Variants in TSPAN15 observed in about 807,000 individuals in gnomAD.
The protein encoded by TSPAN15 is tetraspanin-15.
In TSPAN15, 20 loss-of-function variants were observed where a neutral mutation model predicts 34.5. The observed-to-expected ratio is 0.58, with a 90% confidence interval of 0.41 to 0.84. The LOEUF (loss-of-function observed/expected upper bound fraction) is 0.84. Among genes scored for constraint, TSPAN15 ranks in the 40% least tolerant of loss-of-function variants. The pLI is 0.00. For missense variants in TSPAN15, 313 were observed against 386.1 expected (o/e 0.81, Z 1.59); for synonymous variants, 155 against 153.9 (o/e 1.01, Z -0.05).
In TSPAN15 at chr10:69,506,247, A is replaced by G; in HGVS notation, c.735+7A>G. 1 of 1,613,354 alleles carries G rather than the reference A, an allele frequency of 6.2e-7. No homozygotes were observed. The highest frequency in any genetic ancestry group is 8.5e-7 in the Non-Finnish European group (1 of 1,179,324). Reference sequence around the variant, plus strand: ...GGGCATCCTGCTTCCCCAGGTGGGCAGGCCGTGGGTTCAGAGAAAGTGTGA... The same window carrying G: ...GGGCATCCTGCTTCCCCAGGTGGGCGGGCCGTGGGTTCAGAGAAAGTGTGA... On this transcript the variant is annotated splice_region_variant and intron_variant, in intron 7 of 7. Coordinates refer to ENST00000373290, the MANE Select transcript of TSPAN15 (RefSeq NM_012339.5). This position sits in a 1 kb window ranked among gnomAD's most constrained non-coding sequence, Gnocchi z 4.7.
chr10:69,541,452 ATGCAAG>A, the TSPAN15 span, among the ~76,000 whole-genome samples: 1 of 152,238 alleles, frequency 6.6e-6, no homozygotes, highest in South Asian at 2.1e-4. Flanking sequence ...AAGGAACTAC[ATGCAAG>A]TCCGAAATCC....
At chr10:69,523,200 C>A in the TSPAN15 span, 1 of 260,214 alleles carries the variant, frequency 3.8e-6, no homozygotes, top group Non-Finnish European at 7.2e-6. Context: ...ATGGTCTGGG[C>A]ACCATTTTGT....
At chr10:69,494,243 C>T (rs895405794) in intron 3 of TSPAN15, among the ~76,000 whole-genome samples, 31 of 152,238 alleles carry the variant, frequency 2.0e-4, no homozygotes, top group Non-Finnish European at 2.8e-4. Context: ...AGAGTTGGGG[C>T]CTCGGTTTCC....
intron 4 of TSPAN15, among the ~76,000 whole-genome samples, chr10:69,497,887 G>A (rs1480204487): frequency 6.6e-6 from 1 of 152,176 alleles, no homozygotes; most frequent in Non-Finnish European, 1.5e-5. Context: ...TGGTTGAGGT[G>A]CAGGGACTTT....
chr10:69,543,968 C>T, the TSPAN15 span, among the ~76,000 whole-genome samples: 1 of 150,220 alleles, frequency 6.7e-6, no homozygotes, highest in Non-Finnish European at 1.5e-5. Context: ...TGGCCTCCTG[C>T]ATACAGGCAG....
chr10:69,547,497 C>G, the TSPAN15 span, among the ~76,000 whole-genome samples: 1 of 152,150 alleles, frequency 6.6e-6, no homozygotes, highest in Non-Finnish European at 1.5e-5. Context: ...CCTTTTCCAT[C>G]AGAAAATGTC....
intron 5 of TSPAN15, among the ~76,000 whole-genome samples, chr10:69,503,938 A>G (rs1037530331): frequency 1.3e-4 from 19 of 151,926 alleles, no homozygotes; most frequent in Non-Finnish European, 1.9e-4. Context: ...TTTTGGCAGC[A>G]CTCTCCGCTG....
At chr10:69,504,323 C>G in intron 5 of TSPAN15, 115 bp from the exon 6 acceptor site, 2 of 980,120 alleles carry the variant, frequency 2.0e-6, no homozygotes, top group Non-Finnish European at 3.1e-6. Context: ...AGCTCCATCC[C>G]TGCTGGACGG....
At chr10:69,542,088 C>T in the TSPAN15 span, among the ~76,000 whole-genome samples, 12 of 152,278 alleles carry the variant, frequency 7.9e-5, no homozygotes, top group South Asian at 2.1e-4. Flanking sequence ...TCCTCTTGAA[C>T]GCTTTGGTGC....
At chr10:69,507,800 A>C, downstream of TSPAN15, 4 of 309,408 alleles carry the variant, frequency 1.3e-5, no homozygotes, top group East Asian at 9.9e-5. Context: ...CTTGGGATAC[A>C]GGTGGGGGGT....
intron 1 of TSPAN15, among the ~76,000 whole-genome samples, chr10:69,482,018 CA>C (rs1186482654): frequency 2.8e-5 from 4 of 143,300 alleles, no homozygotes; most frequent in Non-Finnish European, 4.5e-5. Context: ...ATGTCCGAAG[CA>C]ATTGAAAAAT....
At chr10:69,521,584 T>C in the TSPAN15 span, among the ~76,000 whole-genome samples, 1 of 146,760 alleles carries the variant, frequency 6.8e-6, no homozygotes, top group African/African-American at 2.5e-5. Flanking sequence ...CAAAAATGAA[T>C]AAATAAATAA....
In TSPAN15 at chr10:69,454,448, G is replaced by A. The variant is rs186957815; in HGVS notation, c.96+2758G>A. 1.7e-3 allele frequency among the ~76,000 whole-genome samples: 261 copies of A among 152,236 alleles called. 1 individual carries two copies. The highest frequency in any genetic ancestry group is 6.1e-3 in the African/African-American group (252 of 41,536). On this transcript the variant is annotated intron_variant, in intron 1 of 7. Coordinates refer to ENST00000373290, the MANE Select transcript of TSPAN15 (RefSeq NM_012339.5). ...CATGAGAATTGTTTGAACCCAGGAG[G>A]TGGAGGTTGCAGTGAGCTGACATCG...
At chr10:69,511,121 C>G (rs1423187788), downstream of TSPAN15, among the ~76,000 whole-genome samples, 3 of 152,082 alleles carry the variant, frequency 2.0e-5, no homozygotes, top group African/African-American at 7.2e-5. Context: ...CCCTCTTTTT[C>G]TGTTGTTTGG....
the TSPAN15 span, among the ~76,000 whole-genome samples, chr10:69,532,277 C>T: frequency 6.6e-6 from 1 of 152,298 alleles, no homozygotes; most frequent in African/African-American, 2.4e-5. Context: ...TGATTTCAAA[C>T]TATACTATAA....
chr10:69,493,238 T>C (rs1842005040), intron 3 of TSPAN15, among the ~76,000 whole-genome samples: 1 of 152,156 alleles, frequency 6.6e-6, no homozygotes, highest in Non-Finnish European at 1.5e-5. Flanking sequence ...CCCAGGCTGC[T>C]CGGCTGGAAG....
intron 1 of TSPAN15, among the ~76,000 whole-genome samples, chr10:69,473,987 A>G (rs938723003): frequency 4.1e-4 from 62 of 152,206 alleles, no homozygotes; most frequent in African/African-American, 1.5e-3. Flanking sequence ...TACATCTAAC[A>G]TTAAAAACAA....
chr10:69,479,470 C>T (rs1422851516), intron 1 of TSPAN15, among the ~76,000 whole-genome samples: 1 of 152,234 alleles, frequency 6.6e-6, no homozygotes, highest in Non-Finnish European at 1.5e-5. Flanking sequence ...TGGCTGTGGG[C>T]TGCCAGCAGC....
chr10:69,539,530 AAG>A, the TSPAN15 span, among the ~76,000 whole-genome samples: 2 of 102,508 alleles, frequency 2.0e-5, no homozygotes, highest in Admixed American at 9.6e-5. Flanking sequence ...GAAGAAGAAG[AAG>A]AAGAAGGAGA....
Sources: gnomAD v4.1 joint callset for allele counts (sites outside exome capture counted in the v4.1 genomes callset) on GRCh38, gnomAD v4.1.1 for gene constraint, Gnocchi (gnomAD v3.1) non-coding constraint, MANE v1.5 for transcripts, NCBI Gene and HGNC (gene_info 2026-07-23, HGNC 2026-07-21) for gene names.